The following PTPRN2 variants were observed in gnomAD, a reference collection of about 807,000 sequenced individuals.
The protein encoded by PTPRN2 is receptor-type tyrosine-protein phosphatase N2.
Under a neutral mutation model 118.8 loss-of-function variants are expected in PTPRN2, and 74 were observed. The ratio of observed to expected loss-of-function variants is 0.62; its 90% CI spans 0.52 to 0.76. The LOEUF is 0.76. Among genes scored for constraint, PTPRN2 ranks in the 30% least tolerant of loss-of-function variants. The probability of loss-of-function intolerance (pLI) is 0.00; values close to 1 mark genes in which losing one functional copy is unlikely to be tolerated. For missense variants in PTPRN2, 1,481 were observed against 1,394.4 expected (o/e 1.06, Z -0.99); for synonymous variants, 641 against 608.0 (o/e 1.05, Z -0.80).
intron 12 of PTPRN2, among the ~76,000 whole-genome samples, chr7:157,769,092 A>T (rs1802648980): frequency 6.6e-6 from 1 of 152,118 alleles, no homozygotes; most frequent in African/African-American, 2.4e-5. Flanking sequence ...GAACGGGAGG[A>T]GCGTTTGCCT....
intron 1 of PTPRN2, among the ~76,000 whole-genome samples, chr7:158,523,683 T>G: frequency 7.9e-6 from 1 of 126,148 alleles, no homozygotes; most frequent in African/African-American, 3.1e-5. Flanking sequence ...TGGAGCGGAG[T>G]CGTCTGCCCT....
intron 13 of PTPRN2, among the ~76,000 whole-genome samples, chr7:157,670,518 A>G (rs939485698): frequency 9.9e-5 from 15 of 152,192 alleles, no homozygotes; most frequent in African/African-American, 3.6e-4. Flanking sequence ...TAATGCTTCC[A>G]TAAAGGTGGC....
chr7:157,910,420 G>A (rs1366207386), intron 11 of PTPRN2, among the ~76,000 whole-genome samples: 21 of 140,968 alleles, frequency 1.5e-4, no homozygotes, highest in African/African-American at 4.8e-4. Context: ...ACGCACGTAC[G>A]CCGTGGGAAC....
intron 2 of PTPRN2, among the ~76,000 whole-genome samples, chr7:158,382,337 C>T (rs1793574693): frequency 6.6e-6 from 1 of 152,208 alleles, no homozygotes; most frequent in Non-Finnish European, 1.5e-5. Flanking sequence ...AGCCACACAA[C>T]CTCACCCACT....
chr7:158,370,921 C>T (rs1222522377), intron 2 of PTPRN2, among the ~76,000 whole-genome samples: 2 of 152,178 alleles, frequency 1.3e-5, no homozygotes, highest in Non-Finnish European at 2.9e-5. Context: ...TTTTAAAACA[C>T]CCTTACACAC....
At chr7:157,614,732 GA>G (rs1802644392) in intron 15 of PTPRN2, among the ~76,000 whole-genome samples, 1 of 152,204 alleles carries the variant, frequency 6.6e-6, no homozygotes, top group Non-Finnish European at 1.5e-5. Context: ...GTGAGGTCCT[GA>G]GGGGGGGCCT....
chr7:158,586,019 C>T (rs974650771), intron 1 of PTPRN2, among the ~76,000 whole-genome samples: 2 of 152,218 alleles, frequency 1.3e-5, no homozygotes, highest in Non-Finnish European at 2.9e-5. Flanking sequence ...GCCTCCCATG[C>T]AGGACTCCCC....
intron 11 of PTPRN2, among the ~76,000 whole-genome samples, chr7:157,962,617 C>G (rs1020173672): frequency 6.6e-6 from 1 of 152,216 alleles, no homozygotes; most frequent in Non-Finnish European, 1.5e-5. Flanking sequence ...CACCCGGGGT[C>G]AGGTGCAGCC....
At chr7:157,553,061 C>G (rs1291837963) in intron 21 of PTPRN2, among the ~76,000 whole-genome samples, 1 of 152,170 alleles carries the variant, frequency 6.6e-6, no homozygotes, top group Non-Finnish European at 1.5e-5. Context: ...ACGGGGACCC[C>G]TCAGCTTTCT....
chr7:158,018,966 CAAAAAAAAAA>C (rs753498681), intron 11 of PTPRN2, among the ~76,000 whole-genome samples: 8 of 65,848 alleles, frequency 1.2e-4, no homozygotes, highest in Middle Eastern at 0.013. Context: ...GTTTCAAAAA[CAAAAAAAAAA>C]AAAAAAAAAA....
Position 157,603,464 on chromosome 7 carries a change from C to G in PTPRN2, c.2418+538G>C, listed in dbSNP as rs112979033. On this transcript the variant is annotated intron_variant, in intron 16 of 22. Transcript: ENST00000389418. The surrounding 1 kb of genome is among the most constrained non-coding windows in gnomAD (Gnocchi z 5.4). ...TCGTCCCCAGAAACACAGGACAGCCCGATCTCCACTGCACCTGCGTCTATC... is the reference window on the plus strand; with the variant it reads ...TCGTCCCCAGAAACACAGGACAGCCGGATCTCCACTGCACCTGCGTCTATC... 6.6e-6 allele frequency among the ~76,000 whole-genome samples: 1 copy of G among 152,104 alleles called. No individual in the cohort carries two copies. The highest frequency in any genetic ancestry group is 1.5e-5 in the Non-Finnish European group (1 of 68,012).
chr7:158,423,123 C>G (rs1237199498), intron 2 of PTPRN2, among the ~76,000 whole-genome samples: 1 of 152,224 alleles, frequency 6.6e-6, no homozygotes, highest in Non-Finnish European at 1.5e-5. Context: ...ATCTCCAACG[C>G]TGTCACTTGT....
At position 158,093,935 on chromosome 7, in the gene PTPRN2, T is replaced by C. The variant is rs1389163904; in HGVS notation, c.1644-12558A>G. Among the ~76,000 whole-genome samples the C allele has an allele frequency of 2.0e-5, 3 of 152,354 alleles. No individual in the cohort carries two copies. The East Asian group carries it at 5.8e-4, about 29-fold the overall frequency. The stretch of plus-strand genomic sequence containing the variant: ...TGAAAACATAATTATTAATGATGCT[T>C]TATTTTCTTAAAGCATTGAGCAACT... On this transcript the variant is annotated intron_variant, in intron 10 of 22. Coordinates refer to ENST00000389418, the MANE Select transcript of PTPRN2 (RefSeq NM_002847.5). The surrounding 1 kb of genome is among the most constrained non-coding windows in gnomAD (Gnocchi z 4.4).
At position 158,574,318 on chromosome 7, in the gene PTPRN2, A is replaced by C. The variant is rs1041656112; in HGVS notation, c.112+13240T>G. Among the ~76,000 whole-genome samples the C allele has an allele frequency of 6.6e-6, 1 of 152,246 alleles. No homozygotes were observed. Among genetic ancestry groups the C allele is most frequent in the East Asian group, 1.9e-4 (1 of 5,206 alleles). ...GAAGTTTTTGTATCTTCAGCAAAAT[A>C]TTTTAATCATTAGTGATGTTTAATT... is the stretch of plus-strand genomic sequence containing the variant. On this transcript the variant is annotated intron_variant, in intron 1 of 22. Coordinates refer to ENST00000389418, the MANE Select transcript of PTPRN2 (RefSeq NM_002847.5). This position sits in a 1 kb window ranked among gnomAD's most constrained non-coding sequence, Gnocchi z 4.6.
intron 2 of PTPRN2, among the ~76,000 whole-genome samples, chr7:158,469,103 T>C (rs1819650173): frequency 6.6e-6 from 1 of 152,212 alleles, no homozygotes; most frequent in Admixed American, 6.5e-5. Context: ...CCATGCACAC[T>C]CCTGGTGGAT....
chr7:158,054,492 C>G (rs896033429), intron 11 of PTPRN2, among the ~76,000 whole-genome samples: 5 of 152,228 alleles, frequency 3.3e-5, no homozygotes, highest in African/African-American at 1.2e-4. Flanking sequence ...TGAGTCGAGT[C>G]TATGAAACAT....
rs993721431 is a variant in PTPRN2, at chr7:158,574,827, C to T, written c.112+12731G>A. Among the ~76,000 whole-genome samples, 3 of 152,178 alleles carry T rather than the reference C, an allele frequency of 2.0e-5. No homozygotes were observed. The highest frequency in any genetic ancestry group is 3.8e-4 in the East Asian group (2 of 5,198). On this transcript the variant is annotated intron_variant, in intron 1 of 22. Coordinates refer to ENST00000389418, the MANE Select transcript of PTPRN2 (RefSeq NM_002847.5). This position sits in a 1 kb window ranked among gnomAD's most constrained non-coding sequence, Gnocchi z 4.6. ...TGCTGGCACACTGGGTGGGTGGCTCCGTGGAGTGTCCTGCCTACTGCAGGA... is the reference window on the plus strand; with the variant it reads ...TGCTGGCACACTGGGTGGGTGGCTCTGTGGAGTGTCCTGCCTACTGCAGGA...
rs905387895 is a variant in PTPRN2, at chr7:157,791,003, A to G, written c.1788+107670T>C. Among the ~76,000 whole-genome samples, 8 of 152,354 alleles carry G rather than the reference A, an allele frequency of 5.3e-5. No homozygotes were observed. The South Asian group carries it at 1.5e-3, about 28-fold the overall frequency. ...CTGCTGTTGCACATGCAAACTGATA[A>G]AGCCTTTTTGGAAAGTAATTTGGCA... is the stretch of plus-strand genomic sequence containing the variant. On this transcript the variant is annotated intron_variant, in intron 12 of 22. Transcript: ENST00000389418.
chr7:157,745,026 G>A (rs558070559), intron 12 of PTPRN2, among the ~76,000 whole-genome samples: 1 of 152,294 alleles, frequency 6.6e-6, no homozygotes, highest in African/African-American at 2.4e-5. Context: ...CGAGGACTAC[G>A]GGTGTCTGAG....
Sources: allele counts gnomAD v4.1 joint callset (sites outside exome capture counted in the v4.1 genomes callset), GRCh38; gene constraint gnomAD v4.1.1; non-coding constraint Gnocchi (gnomAD v3.1); transcripts MANE v1.5; gene names NCBI Gene and HGNC (gene_info 2026-07-23, HGNC 2026-07-21).